Variants in RNF130 observed in about 807,000 individuals in gnomAD.
The protein encoded by RNF130 is E3 ubiquitin-protein ligase RNF130.
A neutral mutation model predicts 44.6 loss-of-function variants in RNF130; 21 were observed. That is an observed-to-expected ratio of 0.47 (90% CI 0.33 to 0.68). The LOEUF (loss-of-function observed/expected upper bound fraction) is 0.68. Among genes scored for constraint, RNF130 ranks in the 30% least tolerant of loss-of-function variants. The pLI is 0.02. For synonymous variants in RNF130, 214 were observed against 210.4 expected (o/e 1.02, Z -0.15); for missense variants, 479 against 560.6 (o/e 0.85, Z 1.47).
chr5:179,946,554 ATTT>A (rs397701505), intron 7 of RNF130, among the ~76,000 whole-genome samples: 3 of 140,676 alleles, frequency 2.1e-5, no homozygotes, highest in Admixed American at 7.1e-5. Flanking sequence ...CCCACCGGGG[ATTT>A]TTTTTTTTTT....
intron 2 of RNF130, among the ~76,000 whole-genome samples, chr5:180,030,113 G>A (rs762044428): frequency 6.6e-5 from 10 of 152,040 alleles, no homozygotes; most frequent in African/African-American, 4.8e-5. Flanking sequence ...CTCCTGAAGC[G>A]TTGGGATTAC....
rs776177652 is a variant in RNF130 at position 180,071,447 on chromosome 5, G to C, written c.247+9C>G. The C allele has an allele frequency of 1.6e-6, 2 of 1,236,550 alleles. No individual in the cohort carries two copies. The highest frequency in any genetic ancestry group is 2.0e-6 in the Non-Finnish European group (2 of 989,194). 76.6% of individuals were successfully genotyped at this position (1,236,550 alleles called of 1,614,324 possible). A position where few individuals can be genotyped will look rare whatever the true frequency, so the allele number is the denominator to read the frequency against. ...GACCACCGCCCGCCGCCCCCGGGCC[G>C]GCACTCACCTCCGTGGAGGGGCAGC... On this transcript the variant is annotated intron_variant, in intron 1 of 8. Transcript: ENST00000521389.
intron 3 of RNF130, among the ~76,000 whole-genome samples, chr5:179,995,294 T>C (rs1364385453): frequency 2.6e-5 from 4 of 152,218 alleles, no homozygotes; most frequent in Admixed American, 6.5e-5. Context: ...GCCTGCAAAT[T>C]TGCTATTGGG....
intron 3 of RNF130, among the ~76,000 whole-genome samples, chr5:179,990,216 G>C (rs912520507): frequency 6.6e-6 from 1 of 152,204 alleles, no homozygotes; most frequent in African/African-American, 2.4e-5. Flanking sequence ...AGTAAAAGGG[G>C]CAGGGTAAAG....
At chr5:180,035,699 C>A (rs1298285584) in intron 2 of RNF130, among the ~76,000 whole-genome samples, 1 of 152,182 alleles carries the variant, frequency 6.6e-6, no homozygotes, top group Admixed American at 6.5e-5. Flanking sequence ...GTTGGTGTGT[C>A]TGACAGTGTC....
chr5:179,975,044 C>T (rs541093307), intron 5 of RNF130, among the ~76,000 whole-genome samples: 2 of 152,328 alleles, frequency 1.3e-5, no homozygotes, highest in East Asian at 1.9e-4. Context: ...GAATGCGGAG[C>T]GCCAGCCAGG....
chr5:179,967,438 ATCTGGTAGTCAGTTTTTAAGTATGG>A lies in RNF130; in HGVS notation c.946-453_946-429del, dbSNP rs1484998308. On this transcript the variant is annotated intron_variant, in intron 6 of 8. Coordinates refer to ENST00000521389, the MANE Select transcript of RNF130 (RefSeq NM_018434.6). ...ACTAACTTCTCTAAAAGCCCCATTT[ATCTGGTAGTCAGTTTTTAAGTATGG>A]TCTGCCTTTAAACACAAGAAAAGCA... is the stretch of plus-strand genomic sequence containing the variant. 6.6e-5 allele frequency among the ~76,000 whole-genome samples: 10 copies of A among 152,398 alleles called. No individual in the cohort carries two copies. In the East Asian group the frequency reaches 1.9e-3, roughly 29 times the overall value.
At chr5:180,012,243 TC>T (rs1763610404) in intron 3 of RNF130, among the ~76,000 whole-genome samples, 1 of 152,120 alleles carries the variant, frequency 6.6e-6, no homozygotes, top group African/African-American at 2.4e-5. Context: ...AGTGTGCCCA[TC>T]CCCACAGGAA....
intron 7 of RNF130, among the ~76,000 whole-genome samples, chr5:179,949,809 A>AATT (rs1762098545): frequency 6.6e-6 from 1 of 152,326 alleles, no homozygotes; most frequent in East Asian, 1.9e-4. Flanking sequence ...TGCTGTAAAT[A>AATT]ATTAAGACCA....
chr5:180,039,611 C>T (rs180891405), intron 2 of RNF130, among the ~76,000 whole-genome samples: 221 of 152,272 alleles, frequency 1.5e-3, no homozygotes, highest in Non-Finnish European at 2.4e-3. Context: ...GAAGTACCAA[C>T]GACTCTCAAT....
chr5:179,976,026 A>C (rs1464712334), intron 5 of RNF130, among the ~76,000 whole-genome samples: 1 of 152,080 alleles, frequency 6.6e-6, no homozygotes, highest in Non-Finnish European at 1.5e-5. Flanking sequence ...GCAATGAACT[A>C]AATTTTAAAA....
chr5:180,058,940 C>T (rs1490256724), intron 1 of RNF130, among the ~76,000 whole-genome samples: 1 of 152,134 alleles, frequency 6.6e-6, no homozygotes, highest in African/African-American at 2.4e-5. Context: ...AATGTACTTA[C>T]CATGACTTAA....
chr5:179,943,100 TAGG>T (rs1369048940), intron 7 of RNF130, among the ~76,000 whole-genome samples: 1 of 152,002 alleles, frequency 6.6e-6, no homozygotes, highest in Admixed American at 6.6e-5. Context: ...GAGGCTGAGG[TAGG>T]AGAATTGCTT....
intron 1 of RNF130, among the ~76,000 whole-genome samples, chr5:180,065,465 A>T (rs570754217): frequency 6.6e-6 from 1 of 152,334 alleles, no homozygotes; most frequent in Non-Finnish European, 1.5e-5. Context: ...GAAGTGGTTA[A>T]AGTACAGGCA....
chr5:179,983,762 C>T (rs1554102811), intron 3 of RNF130, among the ~76,000 whole-genome samples: 1 of 152,186 alleles, frequency 6.6e-6, no homozygotes, highest in African/African-American at 2.4e-5. Context: ...AAGTCTTCCA[C>T]TGAACACTGT....
chr5:179,983,478 T>C (rs907864710), intron 3 of RNF130, among the ~76,000 whole-genome samples: 1 of 152,156 alleles, frequency 6.6e-6, no homozygotes, highest in Non-Finnish European at 1.5e-5. Flanking sequence ...GTGCGGACAC[T>C]ATTGTACCAT....
At chr5:180,003,006 A>C (rs1195128402) in intron 3 of RNF130, among the ~76,000 whole-genome samples, 3 of 152,138 alleles carry the variant, frequency 2.0e-5, no homozygotes, top group African/African-American at 4.8e-5. Flanking sequence ...AATTCTACCA[A>C]AGAGTTCTGA....
At chr5:179,973,328 C>T (rs1186502101) in intron 5 of RNF130, among the ~76,000 whole-genome samples, 1 of 152,146 alleles carries the variant, frequency 6.6e-6, no homozygotes, top group African/African-American at 2.4e-5. Flanking sequence ...AACACGGCAC[C>T]TTTTTCTCCT....
intron 5 of RNF130, among the ~76,000 whole-genome samples, chr5:179,971,562 G>A (rs1762587285): frequency 6.6e-6 from 1 of 152,082 alleles, no homozygotes; most frequent in African/African-American, 2.4e-5. Context: ...GTAGAGACGG[G>A]GTTTCACCAT....
Sources: allele counts gnomAD v4.1 joint callset (sites outside exome capture counted in the v4.1 genomes callset), GRCh38; gene constraint gnomAD v4.1.1; transcripts MANE v1.5; gene names NCBI Gene and HGNC (gene_info 2026-07-23, HGNC 2026-07-21).